Variants in STK31 observed in about 807,000 individuals in gnomAD.
STK31 encodes serine/threonine-protein kinase 31.
Under a neutral mutation model 129.7 loss-of-function variants are expected in STK31, and 89 were observed. That is an observed-to-expected ratio of 0.69 (90% CI 0.58 to 0.82). The LOEUF (loss-of-function observed/expected upper bound fraction) is 0.82. STK31 is among the 40% of genes least tolerant of loss of function. STK31 has a pLI of 0.00. For synonymous variants in STK31, 448 were observed against 395.3 expected (o/e 1.13, Z -1.58); for missense variants, 1,187 against 1,176.4 (o/e 1.01, Z -0.13).
chr7:23,827,160 G>T (rs536992198), intron 23 of STK31, among the ~76,000 whole-genome samples: 1 of 152,316 alleles, frequency 6.6e-6, no homozygotes, highest in South Asian at 2.1e-4. Context: ...CTAGGTTGGG[G>T]AAGTTCTCCT....
At chr7:23,781,018 C>T (rs992827427) in intron 15 of STK31, among the ~76,000 whole-genome samples, 1 of 152,168 alleles carries the variant, frequency 6.6e-6, no homozygotes, top group African/African-American at 2.4e-5. Flanking sequence ...CACACATTTA[C>T]TCATCCTTTT....
intron 10 of STK31, among the ~76,000 whole-genome samples, chr7:23,758,736 C>G (rs12700463): frequency 0.23 from 34,536 of 151,984 alleles, 4,189 homozygotes; most frequent in South Asian, 0.34. Flanking sequence ...TACCCTGGAG[C>G]CATTCAGGAG....
intron 20 of STK31, among the ~76,000 whole-genome samples, 177 bp downstream of exon 20, chr7:23,787,101 A>T (rs1791332734): frequency 6.6e-6 from 1 of 152,184 alleles, no homozygotes; most frequent in African/African-American, 2.4e-5. Context: ...AAAAAGCGTT[A>T]AAGGGATTAG....
At chr7:23,810,800 GTATA>G (rs950656124) in intron 22 of STK31, among the ~76,000 whole-genome samples, 20 of 128,658 alleles carry the variant, frequency 1.6e-4, no homozygotes, top group Admixed American at 5.8e-4. Context: ...ATATAAATAT[GTATA>G]TATATTTGTA....
At chr7:23,805,704 C>T (rs1178079583) in intron 22 of STK31, among the ~76,000 whole-genome samples, 1 of 152,102 alleles carries the variant, frequency 6.6e-6, no homozygotes, top group Non-Finnish European at 1.5e-5. Flanking sequence ...AGCTTGGTCT[C>T]AAACTCCTGG....
intron 10 of STK31, among the ~76,000 whole-genome samples, chr7:23,761,480 G>A (rs1331278469): frequency 6.6e-6 from 1 of 151,272 alleles, no homozygotes; most frequent in East Asian, 1.9e-4. Flanking sequence ...GAGTGCAGTG[G>A]TGTGATCTCG....
chr7:23,827,606 A>G (rs909333368), intron 23 of STK31, among the ~76,000 whole-genome samples: 1 of 152,128 alleles, frequency 6.6e-6, no homozygotes, highest in Non-Finnish European at 1.5e-5. Context: ...CGTCAAAGTC[A>G]TTCTCTGTCC....
chr7:23,826,677 C>A (rs1008963520), intron 23 of STK31, among the ~76,000 whole-genome samples: 1 of 152,130 alleles, frequency 6.6e-6, no homozygotes, highest in African/African-American at 2.4e-5. Flanking sequence ...TTAGTTGATG[C>A]AGTTTCTTCC....
At chr7:23,730,878 A>ATATATATTTTTTTTT in intron 6 of STK31, among the ~76,000 whole-genome samples, 1 of 59,538 alleles carries the variant, frequency 1.7e-5, no homozygotes, top group Non-Finnish European at 3.3e-5. Flanking sequence ...ATATATATAT[A>ATATATATTTTTTTTT]TTTTTTTTTT....
chr7:23,817,189 A>C (rs1793521665), intron 23 of STK31, among the ~76,000 whole-genome samples: 1 of 150,684 alleles, frequency 6.6e-6, no homozygotes, highest in South Asian at 2.1e-4. Flanking sequence ...CTTTGTCTCA[A>C]AAAAAAAAAA....
At position 23,769,273 on chromosome 7, in the gene STK31, A is replaced by G. The variant is rs1790030957; in HGVS notation, c.1596+99A>G. ...GTTCAAGAGCTGACATCATCTACCT[A>G]CTATGTATCAGATTTAAAATTGCCA... On this transcript the variant is annotated intron_variant, in intron 12 of 23. Transcript: ENST00000355870. 4.4e-6 allele frequency: 5 copies of G among 1,144,104 alleles called. No individual in the cohort carries two copies. The East Asian group carries it at 1.4e-4, about 32-fold the overall frequency. 70.9% of individuals were successfully genotyped at this position (1,144,104 alleles called of 1,614,324 possible).
At position 23,737,050 on chromosome 7, in the gene STK31, A is replaced by C; in HGVS notation, c.989A>C (p.Lys330Thr). The change falls in exon 8 of 24, where the codon AAA becomes ACA. Residue 330 changes from lysine to threonine, a missense_variant. Lys to Thr is a moderately conservative substitution (Grantham distance 78, BLOSUM62 -1). This residue lies in a region of STK31 where 975 missense variants were observed against 934.9 expected (regional missense o/e 1.04). Transcript: ENST00000355870. ...GAAAGTTATAAGGCGTTAGAATTGA[A>C]AGTAGAGCAGATTGCCCAGGAGCTG... ...LLESYKALELKVEQIAQELQQ... is the reference protein window; with the variant it reads ...LLESYKALELTVEQIAQELQQ... 4 of 1,609,676 alleles carry C rather than the reference A, an allele frequency of 2.5e-6. No homozygotes were observed. Among genetic ancestry groups the C allele is most frequent in the Non-Finnish European group, 3.4e-6 (4 of 1,179,222 alleles).
chr7:23,712,901 G>A (rs1017958963), intron 3 of STK31, among the ~76,000 whole-genome samples: 5 of 152,112 alleles, frequency 3.3e-5, no homozygotes, highest in African/African-American at 7.2e-5. Context: ...TACATGATAC[G>A]GAAGGGAAAG....
intron 14 of STK31, 131 bp downstream of exon 14, chr7:23,771,255 A>C (rs1408681998): frequency 4.7e-6 from 4 of 844,938 alleles, no homozygotes; most frequent in African/African-American, 1.8e-5. Context: ...GTCAACTGGA[A>C]ATGGTGATTT....
At chr7:23,830,421 C>A (rs967242201) in intron 23 of STK31, among the ~76,000 whole-genome samples, 2 of 151,958 alleles carry the variant, frequency 1.3e-5, no homozygotes, top group Admixed American at 1.3e-4. Flanking sequence ...TTTGCTATAT[C>A]TCATCAGTTT....
chr7:23,740,511 A>G (rs1787995419), intron 8 of STK31, among the ~76,000 whole-genome samples: 1 of 151,992 alleles, frequency 6.6e-6, no homozygotes, highest in South Asian at 2.1e-4. Context: ...TTTTATTATT[A>G]TACTTTAAGT....
chr7:23,818,930 T>C (rs73086962), intron 23 of STK31, among the ~76,000 whole-genome samples: 24,974 of 152,248 alleles, frequency 0.16, 2,070 homozygotes, highest in East Asian at 0.22. Context: ...CCCTCATTGC[T>C]ATTTTTAAAA....
At chr7:23,745,186 G>A (rs989475795) in intron 8 of STK31, among the ~76,000 whole-genome samples, 1 of 152,110 alleles carries the variant, frequency 6.6e-6, no homozygotes, top group Admixed American at 6.5e-5. Context: ...GGGCCCTTGG[G>A]AGGAGTGTTG....
At position 23,729,352 on chromosome 7, in the gene STK31, T is replaced by G. The variant is rs372616526; in HGVS notation, c.483+103T>G. The G allele has an allele frequency of 1.0e-5, 11 of 1,065,814 alleles. No individual in the cohort carries two copies. The African/African-American group carries it at 1.6e-4, about 16-fold the overall frequency. 66.0% of individuals were successfully genotyped at this position (1,065,814 alleles called of 1,614,324 possible). On this transcript the variant is annotated intron_variant, in intron 6 of 23. Transcript: ENST00000355870. ...TCTTACTTTAATATAAAAGTCTGTA[T>G]AAATTAGTGAAAAATAGGAATTATA... is the stretch of plus-strand genomic sequence containing the variant.
Sources: allele counts gnomAD v4.1 joint callset (sites outside exome capture counted in the v4.1 genomes callset), GRCh38; gene constraint gnomAD v4.1.1; regional missense constraint gnomAD v4.1.1; transcripts MANE v1.5; gene names NCBI Gene and HGNC (gene_info 2026-07-23, HGNC 2026-07-21).